MYLK4: variants seen among roughly 807,000 people sequenced by gnomAD.
MYLK4 encodes the protein caMLCK like.
MYLK4 carries 46 observed loss-of-function variants against 48.1 expected under a neutral mutation model. The ratio of observed to expected loss-of-function variants is 0.96; its 90% CI spans 0.75 to 1.22. The LOEUF is 1.22. Among genes scored for constraint, MYLK4 ranks in the 50% most tolerant of loss-of-function variants. The pLI, the probability that MYLK4 is intolerant of heterozygous loss-of-function variation, is 0.00. For missense variants in MYLK4, 451 were observed against 486.1 expected, an observed-to-expected ratio of 0.93 and a Z score of 0.68; for synonymous variants, 170 against 180.8, an observed-to-expected ratio of 0.94 and a Z score of 0.48.
chr6:2,686,324 A>G (rs1237597172), intron 4 of MYLK4, among the ~76,000 whole-genome samples: 2 of 152,260 alleles, frequency 1.3e-5, no homozygotes, highest in Non-Finnish European at 2.9e-5. Context: ...ACCTTCAGAT[A>G]TATAAAATTA....
the MYLK4 span, among the ~76,000 whole-genome samples, chr6:2,766,876 A>G: frequency 2.0e-4 from 31 of 152,336 alleles, no homozygotes; most frequent in Non-Finnish European, 8.8e-5. Flanking sequence ...TTTGAAAAAA[A>G]TCAAATTAAT....
At chr6:2,697,708 A>G (rs531238980) in intron 2 of MYLK4, among the ~76,000 whole-genome samples, 1 of 152,350 alleles carries the variant, frequency 6.6e-6, no homozygotes, top group Admixed American at 6.5e-5. Context: ...CCTTGAAAGA[A>G]CATAAAGGCT....
chr6:2,762,891 G>A, the MYLK4 span, among the ~76,000 whole-genome samples: 1 of 152,114 alleles, frequency 6.6e-6, no homozygotes, highest in South Asian at 2.1e-4. Flanking sequence ...ACTGCCTTCA[G>A]AAATAAAGCT....
intron 2 of MYLK4, among the ~76,000 whole-genome samples, chr6:2,720,927 T>C (rs183164938): frequency 5.3e-5 from 8 of 151,692 alleles, no homozygotes; most frequent in Non-Finnish European, 7.4e-5. Context: ...CTTTGGGAGG[T>C]TGAGGTGGGT....
chr6:2,766,139 G>C, the MYLK4 span: 1 of 1,241,046 alleles, frequency 8.1e-7, no homozygotes. Flanking sequence ...GGGCGACGGC[G>C]ATGGCGACGG....
intron 2 of MYLK4, among the ~76,000 whole-genome samples, chr6:2,729,575 G>A (rs1004669458): frequency 6.6e-6 from 1 of 152,198 alleles, no homozygotes; most frequent in African/African-American, 2.4e-5. Context: ...AACCCTGCCT[G>A]CCGCAGGGGG....
chr6:2,719,830 C>A (rs1763003508), intron 2 of MYLK4, among the ~76,000 whole-genome samples: 1 of 152,184 alleles, frequency 6.6e-6, no homozygotes, highest in Non-Finnish European at 1.5e-5. Context: ...CAACAAGCAG[C>A]ATTTGTCATC....
rs1265244999 is a variant in MYLK4 at position 2,737,988 on chromosome 6, G to A, written c.159+11148C>T. 9.0e-4 allele frequency among the ~76,000 whole-genome samples: 102 copies of A among 113,706 alleles called. 14 individuals are homozygous for A. Among genetic ancestry groups the A allele is most frequent in the Middle Eastern group, 3.9e-3 (1 of 258 alleles). 74.6% of individuals were successfully genotyped at this position (113,706 alleles called of 152,430 possible). A position where few individuals can be genotyped will look rare whatever the true frequency, so the allele number is the denominator to read the frequency against. On this transcript the variant is annotated intron_variant, in intron 2 of 12. Coordinates refer to ENST00000274643, the MANE Select transcript of MYLK4 (RefSeq NM_001012418.5). ...TGGGGTGCCGGGGGCGGGTGGGGGG[G>A]GGGTGGTCAATGTTATTAACCCCAG...
At chr6:2,689,760 T>C (rs983924140) in intron 3 of MYLK4, among the ~76,000 whole-genome samples, 3 of 152,258 alleles carry the variant, frequency 2.0e-5, no homozygotes, top group African/African-American at 2.4e-5. Flanking sequence ...ACAATAAGAA[T>C]ACAAAGGGAG....
chr6:2,681,514 G>A (rs1230134960), intron 7 of MYLK4, among the ~76,000 whole-genome samples: 1 of 152,166 alleles, frequency 6.6e-6, no homozygotes, highest in African/African-American at 2.4e-5. Flanking sequence ...CAAAAAGTTT[G>A]CAGGATATAG....
chr6:2,766,066 G>A, the MYLK4 span: 1 of 1,295,364 alleles, frequency 7.7e-7, no homozygotes, highest in South Asian at 2.4e-5. Context: ...CCGCCGCCGC[G>A]GCGGGGAGCG....
At chr6:2,712,312 G>A (rs944037363) in intron 2 of MYLK4, among the ~76,000 whole-genome samples, 3 of 152,174 alleles carry the variant, frequency 2.0e-5, no homozygotes, top group Non-Finnish European at 4.4e-5. Context: ...TAGCACTCAC[G>A]TACTCTCTCT....
chr6:2,678,413 C>T lies in MYLK4; in HGVS notation c.888-41G>A, dbSNP rs769848277. 41 of 1,601,650 alleles carry T rather than the reference C, an allele frequency of 2.6e-5. No individual in the cohort carries two copies. The Middle Eastern group carries it at 5.6e-4, about 22-fold the overall frequency. ...TCCAGAGTGAGTATTTTTTAAACAG[C>T]CTCAACCCCTTTCCATACAGATTGC... On this transcript the variant is annotated intron_variant, in intron 9 of 12. Transcript: ENST00000274643.
At chr6:2,751,168 C>T (rs546674807), upstream of MYLK4, among the ~76,000 whole-genome samples, 4 of 152,274 alleles carry the variant, frequency 2.6e-5, no homozygotes, top group East Asian at 5.8e-4. Context: ...GATTTGTCCT[C>T]GGCAATCATC....
In MYLK4 at chr6:2,680,297, A is replaced by G. The variant is rs754465374; in HGVS notation, c.688-6T>C. On this transcript the variant is annotated splice_region_variant and splice_polypyrimidine_tract_variant and intron_variant, in intron 7 of 12. Coordinates refer to ENST00000274643, the MANE Select transcript of MYLK4 (RefSeq NM_001012418.5). ...ACACACAGGATATTCTCAGGCTGCCAGGAGAAAGAGACACATTAGCAATGA... is the reference window on the plus strand; with the variant it reads ...ACACACAGGATATTCTCAGGCTGCCGGGAGAAAGAGACACATTAGCAATGA... The G allele has an allele frequency of 1.9e-6, 3 of 1,613,936 alleles. No homozygotes were observed. Among genetic ancestry groups the G allele is most frequent in the Non-Finnish European group, 2.5e-6 (3 of 1,180,010 alleles).
chr6:2,735,434 G>A (rs1288325728), intron 2 of MYLK4, among the ~76,000 whole-genome samples: 1 of 152,146 alleles, frequency 6.6e-6, no homozygotes, highest in Non-Finnish European at 1.5e-5. Flanking sequence ...GCTATATGAA[G>A]GCTGGCCCTA....
chr6:2,725,674 A>AAAT (rs1763248481), intron 2 of MYLK4, among the ~76,000 whole-genome samples: 10 of 151,392 alleles, frequency 6.6e-5, no homozygotes, highest in Admixed American at 5.9e-4. Flanking sequence ...AGAAAGAAAA[A>AAAT]TTTTAAAAAG....
intron 2 of MYLK4, among the ~76,000 whole-genome samples, chr6:2,721,075 C>A (rs1037382926): frequency 6.6e-6 from 1 of 152,070 alleles, no homozygotes; most frequent in African/African-American, 2.4e-5. Context: ...GCAGGAGAAT[C>A]GCTTGAACTT....
chr6:2,678,246 G>C lies in MYLK4; in HGVS notation c.1014C>G (p.Ile338Met). 6.2e-7 allele frequency: 1 copy of C among 1,614,136 alleles called. No homozygotes were observed. The highest frequency in any genetic ancestry group is 8.5e-7 in the Non-Finnish European group (1 of 1,180,018). Residue 338 changes from isoleucine (I) to methionine (M), a missense_variant, in exon 10 of 13, where the codon ATC (isoleucine) becomes ATG (methionine). Transcript: ENST00000274643. ...TCTTCTCCTTAATCAGAAGCTTAGA[G>C]ATGAACTCCTTGGCCTCCTCCGAGA... is the stretch of plus-strand genomic sequence containing the variant. ...QDISEEAKEF[I>M]SKLLIKEKSW...
Sources: allele counts gnomAD v4.1 joint callset (sites outside exome capture counted in the v4.1 genomes callset), GRCh38; gene constraint gnomAD v4.1.1; transcripts MANE v1.5; gene names NCBI Gene and HGNC (gene_info 2026-07-23, HGNC 2026-07-21).